MORC2: variants seen among roughly 807,000 people sequenced by gnomAD.
MORC2 encodes the protein MORC family CW-type zinc finger 2.
MORC2 carries 30 observed loss-of-function variants against 136.0 expected under a neutral mutation model. The ratio of observed to expected loss-of-function variants is 0.22; its 90% CI spans 0.17 to 0.30. The LOEUF (loss-of-function observed/expected upper bound fraction) is 0.30. Ranked by LOEUF, MORC2 falls within the 10% of genes least tolerant of loss-of-function variation. The pLI is 1.00. For synonymous variants in MORC2, 439 were observed against 487.0 expected (o/e 0.90, Z 1.30); for missense variants, 922 against 1,333.1 (o/e 0.69, Z 4.80).
rs1204561176 is a variant in MORC2, at chr22:30,958,675, A to G, written c.88T>C (p.Phe30Leu). 6.5e-7 allele frequency: 1 copy of G among 1,548,448 alleles called. No individual in the cohort carries two copies. Among genetic ancestry groups the G allele is most frequent in the Admixed American group, 2.0e-5 (1 of 50,998 alleles). The change falls in exon 2 of 26, where the codon TTT becomes CTT. Residue 30 changes from phenylalanine (F) to leucine (L), a missense_variant. Around this residue, in one of 9 missense-constraint regions of MORC2, gnomAD observed 57 missense variants for 71.8 expected, o/e 0.79. Transcript: ENST00000397641. ...HTNSTTHEFL[F>L]GALAELVDNA... is the part of the protein sequence containing the mutation. Reference sequence around the variant, plus strand: ...TCAACCAGTTCAGCAAGGGCACCAAACAAGAATTCGTGAGTGGTTCTGAAA... The same window carrying G: ...TCAACCAGTTCAGCAAGGGCACCAAGCAAGAATTCGTGAGTGGTTCTGAAA...
At chr22:30,935,446 C>G (rs1230487626) in intron 17 of MORC2, 124 bp from the exon 18 acceptor site, 6 of 890,390 alleles carry the variant, frequency 6.7e-6, no homozygotes, top group Admixed American at 4.6e-5. Context: ...CCTACTCTTA[C>G]AAACCTCCTG....
intron 1 of MORC2, 63 bp from the exon 2 acceptor site, chr22:30,958,757 G>A: frequency 7.3e-7 from 1 of 1,362,344 alleles, no homozygotes; most frequent in Middle Eastern, 2.0e-4. Flanking sequence ...CTAATAAAAA[G>A]CCATGGTTAT....
chr22:30,950,337 G>GCGGGGGGGCCC, intron 4 of MORC2, 40 bp downstream of exon 4: 4 of 761,748 alleles, frequency 5.3e-6, no homozygotes, highest in Non-Finnish European at 7.0e-6. Context: ...TGGTTACATC[G>GCGGGGGGGCCC]CACCCCCCCA....
chr22:30,942,140 G>C lies in MORC2; in HGVS notation c.558C>G (p.Thr186=), dbSNP rs1269950483. 1 of 1,613,918 alleles carries C rather than the reference G, an allele frequency of 6.2e-7. No individual in the cohort carries two copies. The highest frequency in any genetic ancestry group is 1.7e-5 in the Admixed American group (1 of 60,010). The change falls in exon 7 of 26, where the codon ACC becomes ACG. Residue 186 remains threonine, a synonymous_variant. Transcript: ENST00000397641. The stretch of plus-strand genomic sequence containing the variant: ...TGTCCCCAGGAATCTTCATAAACTG[G>C]GTCATCACTTCCTCCTCAGTGCGGA... ...SPFRTEEEVM[T]QFMKIPGDSG... is the part of the protein sequence containing the mutation.
At chr22:30,930,977 C>T (rs556636786) in intron 24 of MORC2, among the ~76,000 whole-genome samples, 2 of 152,326 alleles carry the variant, frequency 1.3e-5, no homozygotes, top group African/African-American at 2.4e-5. Context: ...ATAGCTTTGT[C>T]ATCAACCTCC....
In MORC2 at chr22:30,937,157, G is replaced by C. The variant is rs530911962; in HGVS notation, c.1499-120C>G. ...ACTTTGTAGGCAAAGATCTTCACTCGGGCTCCAACTCTGCCTATCCTTAGA... is the reference window on the plus strand; with the variant it reads ...ACTTTGTAGGCAAAGATCTTCACTCCGGCTCCAACTCTGCCTATCCTTAGA... On this transcript the variant is annotated intron_variant, in intron 15 of 25. Coordinates refer to ENST00000397641, the MANE Select transcript of MORC2 (RefSeq NM_001303256.3). The surrounding 1 kb of genome is among the most constrained non-coding windows in gnomAD (Gnocchi z 4.7). 1.4e-6 allele frequency: 1 copy of C among 711,918 alleles called. No individual in the cohort carries two copies. Among genetic ancestry groups the C allele is most frequent in the East Asian group, 2.7e-5 (1 of 37,362 alleles). 44.1% of individuals were successfully genotyped at this position (711,918 alleles called of 1,614,324 possible).
intron 1 of MORC2, among the ~76,000 whole-genome samples, chr22:30,966,095 G>C (rs933775698): frequency 3.3e-5 from 5 of 152,172 alleles, no homozygotes; most frequent in Middle Eastern, 3.2e-3. Context: ...AGATTGCTTT[G>C]GACAATGTTT....
intron 2 of MORC2, among the ~76,000 whole-genome samples, chr22:30,957,119 G>T (rs2040977843): frequency 1.3e-5 from 2 of 152,074 alleles, no homozygotes; most frequent in South Asian, 4.1e-4. Context: ...CCTAAGAAAT[G>T]ATTCAAATAT....
rs1602477274 is a variant in MORC2, at chr22:30,932,398, C to A, written c.2802G>T (p.Leu934=). 6 of 1,614,024 alleles carry A rather than the reference C, an allele frequency of 3.7e-6. No individual in the cohort carries two copies. The Middle Eastern group carries it at 4.9e-4, about 133-fold the overall frequency. ...TTAGCTCATCTGAATTCATAGCACT[C>A]AGCTGCTTCTTGGAGATGGGGAAAC... The part of the protein sequence containing the change: ...PPSFPISKKQ[L]SAMNSDELIS... The change falls in exon 24 of 26, where the codon CTG becomes CTT. Residue 934 remains leucine, a synonymous_variant. Transcript: ENST00000397641. The surrounding 1 kb of genome is among the most constrained non-coding windows in gnomAD (Gnocchi z 4.4).
chr22:30,933,664 C>A (rs753112074), intron 20 of MORC2, 144 bp from the exon 21 acceptor site: 5 of 793,242 alleles, frequency 6.3e-6, no homozygotes, highest in Non-Finnish European at 1.0e-5. Context: ...TTGAGAGCCA[C>A]ACTCCAAAAT....
Position 30,941,370 on chromosome 22 carries a change from A to G in MORC2, c.824+63T>C. On this transcript the variant is annotated intron_variant, in intron 9 of 25. Coordinates refer to ENST00000397641, the MANE Select transcript of MORC2 (RefSeq NM_001303256.3). This position sits in a 1 kb window ranked among gnomAD's most constrained non-coding sequence, Gnocchi z 4.6. The stretch of plus-strand genomic sequence containing the variant: ...TACAGCATCCCTCTAACAATGCCCC[A>G]GAGAAACGCGGCCACATCCTCGACC... 1.3e-6 allele frequency: 2 copies of G among 1,591,196 alleles called. No individual in the cohort carries two copies. Among genetic ancestry groups the G allele is most frequent in the East Asian group, 4.5e-5 (2 of 44,400 alleles).
rs2040467399 is a variant in MORC2 at position 30,925,340 on chromosome 22, G to A, written c.*1463C>T. ...GAATCACCAGCTCAAGAAACCCCAA[G>A]ACTTGGACAGTCTTCCAGCAGAAGA... On this transcript the variant is annotated 3_prime_UTR_variant, in exon 26 of 26. Transcript: ENST00000397641. 1 of 248,830 alleles carries A rather than the reference G, an allele frequency of 4.0e-6. No individual in the cohort carries two copies. The highest frequency in any genetic ancestry group is 2.3e-5 in the African/African-American group (1 of 43,192). 15.4% of individuals were successfully genotyped at this position (248,830 alleles called of 1,614,324 possible).
intron 1 of MORC2, among the ~76,000 whole-genome samples, chr22:30,964,947 G>A (rs2041104264): frequency 6.6e-6 from 1 of 152,110 alleles, no homozygotes; most frequent in Non-Finnish European, 1.5e-5. Context: ...TGTTTACTGT[G>A]TACCACCGTA....
Position 30,946,389 on chromosome 22 carries a change from G to T in MORC2, c.378C>A (p.Thr126=), listed in dbSNP as rs2072132. The T allele has an allele frequency of 2.5e-6, 4 of 1,610,954 alleles. No homozygotes were observed. Among genetic ancestry groups the T allele is most frequent in the East Asian group, 2.2e-5 (1 of 44,694 alleles). Residue 126 remains threonine (T), a synonymous_variant, in exon 6 of 26, where the codon ACC becomes ACA. Transcript: ENST00000397641. ...ILFTKKEDTM[T]CLFLSRTFHE... ...GAAACGTGCGAGACAGGAAGAGGCA[G>T]GTCATGGTGTCTTCCTTCTTGGTGA... is the stretch of plus-strand genomic sequence containing the variant.
At chr22:30,949,670 A>G in intron 5 of MORC2, 82 bp downstream of exon 5, 1 of 1,173,560 alleles carries the variant, frequency 8.5e-7, no homozygotes, top group Non-Finnish European at 1.3e-6. Context: ...GGACAAGGAG[A>G]AGGAAAGTTT....
intron 25 of MORC2, 57 bp downstream of exon 25, chr22:30,927,962 C>A (rs117768869): frequency 1.9e-6 from 3 of 1,588,822 alleles, no homozygotes; most frequent in South Asian, 1.1e-5. Context: ...AGGGCCCAGG[C>A]CCCCCTCCCT....
intron 1 of MORC2, among the ~76,000 whole-genome samples, chr22:30,960,004 G>A (rs2041020361): frequency 6.6e-6 from 1 of 152,150 alleles, no homozygotes; most frequent in South Asian, 2.1e-4. Flanking sequence ...TTTCGCTCTT[G>A]TCGCCCAGGC....
At position 30,935,452 on chromosome 22, in the gene MORC2, T is replaced by A. The variant is rs12168605; in HGVS notation, c.1738-130A>T. ...AGCCATAGTCCTACTCTTACAAACC[T>A]CCTGTTCTCATTGGGGAGACACAAA... On this transcript the variant is annotated intron_variant, in intron 17 of 25. Coordinates refer to ENST00000397641, the MANE Select transcript of MORC2 (RefSeq NM_001303256.3). 4.4e-3 allele frequency: 3,614 copies of A among 830,272 alleles called. 102 individuals are homozygous for A. In the African/African-American group the frequency reaches 0.055, roughly 13 times the overall value. 51.4% of individuals were successfully genotyped at this position (830,272 alleles called of 1,614,324 possible).
chr22:30,947,512 T>C (rs967516358), intron 5 of MORC2, among the ~76,000 whole-genome samples: 1 of 152,222 alleles, frequency 6.6e-6, no homozygotes, highest in Non-Finnish European at 1.5e-5. Flanking sequence ...TACTCTCTTC[T>C]GTGTACCAAT....
Sources: allele counts gnomAD v4.1 joint callset (sites outside exome capture counted in the v4.1 genomes callset), GRCh38; gene constraint gnomAD v4.1.1; regional missense constraint gnomAD v4.1.1; non-coding constraint Gnocchi (gnomAD v3.1); transcripts MANE v1.5; gene names NCBI Gene and HGNC (gene_info 2026-07-23, HGNC 2026-07-21).